HS6ST2: variants seen among roughly 807,000 people sequenced by gnomAD.
HS6ST2 encodes the protein heparan sulfate 6-O-sulfotransferase 2.
A neutral mutation model predicts 33.0 loss-of-function variants in HS6ST2; 17 were observed. That is an observed-to-expected ratio of 0.52 (90% CI 0.35 to 0.77). HS6ST2 has a LOEUF of 0.77. Among genes scored for constraint, HS6ST2 ranks in the 30% least tolerant of loss-of-function variants. The pLI is 0.01. For missense variants in HS6ST2, 519 were observed against 551.7 expected (o/e 0.94, Z 0.59); for synonymous variants, 248 against 237.1 (o/e 1.05, Z -0.42).
intron 4 of HS6ST2, among the ~76,000 whole-genome samples, chrX:132,661,049 C>G (rs772511543): frequency 9.0e-6 from 1 of 111,174 alleles, no homozygotes; most frequent in Non-Finnish European, 1.9e-5. Context: ...AAGAACAGCA[C>G]GAGGAAACCG....
Position 132,792,099 on chromosome X carries a change from C to G in HS6ST2, c.948-83605G>C, listed in dbSNP as rs186287164. ...GAAGAAACGTACCTAAGCTATTTCA[C>G]TCTCAAAGGGAATAGCAATCTGAAT... On this transcript the variant is annotated intron_variant, in intron 2 of 4. Transcript: ENST00000370833. Among the ~76,000 whole-genome samples, 450 of 112,549 alleles carry G rather than the reference C, an allele frequency of 4.0e-3. 2 individuals carry two copies. Among genetic ancestry groups the G allele is most frequent in the Non-Finnish European group, 4.5e-3 (242 of 53,348 alleles).
At chrX:132,903,812 A>G (rs974053978) in intron 2 of HS6ST2, among the ~76,000 whole-genome samples, 1 of 112,372 alleles carries the variant, frequency 8.9e-6, no homozygotes, top group African/African-American at 3.2e-5. Context: ...TAAAAGATAA[A>G]CTCAAAAAAG....
intron 3 of HS6ST2, among the ~76,000 whole-genome samples, chrX:132,707,069 C>T (rs1212163302): frequency 8.9e-6 from 1 of 112,165 alleles, no homozygotes; most frequent in African/African-American, 3.2e-5. Flanking sequence ...AGAGATGGTC[C>T]TATCATCTAG....
chrX:132,730,416 T>C (rs1475083349), intron 2 of HS6ST2, among the ~76,000 whole-genome samples: 1 of 112,068 alleles, frequency 8.9e-6, no homozygotes, highest in Admixed American at 9.4e-5. Context: ...TCCTCTACCA[T>C]ATCCATGTCT....
chrX:132,878,773 A>G (rs748619100), intron 2 of HS6ST2, among the ~76,000 whole-genome samples: 1 of 111,545 alleles, frequency 9.0e-6, no homozygotes, highest in East Asian at 2.8e-4. Flanking sequence ...AACATTTGTC[A>G]TAAGGTACCA....
intron 3 of HS6ST2, among the ~76,000 whole-genome samples, chrX:132,680,768 G>A (rs1222942053): frequency 2.7e-5 from 3 of 110,304 alleles, no homozygotes; most frequent in East Asian, 5.7e-4. Flanking sequence ...AGGCTGAGTC[G>A]GTGGATCACC....
At chrX:132,682,444 G>C (rs1169934338) in intron 3 of HS6ST2, among the ~76,000 whole-genome samples, 2 of 111,584 alleles carry the variant, frequency 1.8e-5, no homozygotes, top group African/African-American at 3.3e-5. Flanking sequence ...TGGCATATAA[G>C]GGAACAAGAT....
At chrX:132,858,842 G>A (rs1039490789) in intron 2 of HS6ST2, among the ~76,000 whole-genome samples, 2 of 112,177 alleles carry the variant, frequency 1.8e-5, no homozygotes, top group African/African-American at 6.5e-5. Flanking sequence ...ACATACTGGT[G>A]TCTTTATGTG....
At chrX:132,917,785 C>T (rs1007120870) in intron 2 of HS6ST2, among the ~76,000 whole-genome samples, 24 of 111,639 alleles carry the variant, frequency 2.1e-4, no homozygotes, top group Non-Finnish European at 3.6e-4. Flanking sequence ...AACAGAGCCA[C>T]GTGACCCCAC....
At chrX:132,768,628 C>A (rs192920718) in intron 2 of HS6ST2, among the ~76,000 whole-genome samples, 37 of 112,172 alleles carry the variant, frequency 3.3e-4, no homozygotes, top group African/African-American at 1.2e-3. Context: ...CAGGACTCTG[C>A]ACAAAAACTG....
intron 2 of HS6ST2, among the ~76,000 whole-genome samples, chrX:132,768,202 T>C (rs1270644670): frequency 9.2e-6 from 1 of 109,128 alleles, no homozygotes; most frequent in Non-Finnish European, 1.9e-5. Flanking sequence ...CCAGGTGTGG[T>C]GGTGGACACC....
chrX:132,661,258 T>C (rs898847511), intron 4 of HS6ST2, among the ~76,000 whole-genome samples: 9 of 110,167 alleles, frequency 8.2e-5, no homozygotes, highest in Non-Finnish European at 1.7e-4. Flanking sequence ...AAATCTGTCT[T>C]TAGTCACAGA....
intron 2 of HS6ST2, among the ~76,000 whole-genome samples, chrX:132,902,434 T>C (rs988712254): frequency 4.4e-5 from 5 of 112,454 alleles, no homozygotes; most frequent in African/African-American, 1.6e-4. Context: ...GCACTGAGAC[T>C]GTGCCTGGCC....
At chrX:132,855,078 C>A (rs1489308487) in intron 2 of HS6ST2, among the ~76,000 whole-genome samples, 1 of 112,225 alleles carries the variant, frequency 8.9e-6, no homozygotes, top group Non-Finnish European at 1.9e-5. Flanking sequence ...GGGAAAAGTT[C>A]AACCCCCGTA....
chrX:132,728,423 A>G (rs1298807407), intron 2 of HS6ST2, among the ~76,000 whole-genome samples: 1 of 111,866 alleles, frequency 8.9e-6, no homozygotes, highest in Non-Finnish European at 1.9e-5. Context: ...GAGAAACAAA[A>G]CAAATAAGGA....
At chrX:132,734,883 A>C (rs1446088832) in intron 2 of HS6ST2, among the ~76,000 whole-genome samples, 3 of 111,645 alleles carry the variant, frequency 2.7e-5, no homozygotes, top group African/African-American at 9.8e-5. Context: ...GAGAACAGAA[A>C]GAGCAATGAC....
chrX:132,637,839 ATTTTATATATAAT>A (rs2063564514), intron 4 of HS6ST2, among the ~76,000 whole-genome samples: 1 of 44,182 alleles, frequency 2.3e-5, no homozygotes, highest in African/African-American at 3.5e-4. Flanking sequence ...TATATATAAT[ATTTTATATATAAT>A]ATATATATAA....
chrX:132,816,437 T>C (rs1412612207), intron 2 of HS6ST2, among the ~76,000 whole-genome samples: 1 of 111,952 alleles, frequency 8.9e-6, no homozygotes, highest in East Asian at 2.8e-4. Context: ...AGAGACCTAA[T>C]AGGAAAAGAT....
At chrX:132,893,455 G>C (rs936757171) in intron 2 of HS6ST2, among the ~76,000 whole-genome samples, 1 of 112,360 alleles carries the variant, frequency 8.9e-6, no homozygotes, top group African/African-American at 3.2e-5. Flanking sequence ...GCTCTAAGCA[G>C]AGTGAGTGGC....
Sources: gnomAD v4.1 joint callset for allele counts (sites outside exome capture counted in the v4.1 genomes callset) on GRCh38, gnomAD v4.1.1 for gene constraint, MANE v1.5 for transcripts, NCBI Gene and HGNC (gene_info 2026-07-23, HGNC 2026-07-21) for gene names.